Variants in MLXIPL observed in about 807,000 individuals in gnomAD.
MLXIPL encodes the protein MLX interacting protein like.
A neutral mutation model predicts 81.5 loss-of-function variants in MLXIPL; 49 were observed. The observed-to-expected ratio is 0.60, with a 90% CI of 0.48 to 0.76. The LOEUF is 0.76. MLXIPL is among the 30% of genes least tolerant of loss of function. The pLI is 0.00. For missense variants in MLXIPL, 1,053 were observed against 1,167.0 expected, an observed-to-expected ratio of 0.90 and a Z score of 1.42; for synonymous variants, 466 against 485.5, an observed-to-expected ratio of 0.96 and a Z score of 0.53.
At chr7:73,629,974 T>TATTTTTTA in the MLXIPL span, among the ~76,000 whole-genome samples, 10,452 of 143,596 alleles carry the variant, frequency 0.073, 418 homozygotes, top group Middle Eastern at 0.12. Flanking sequence ...TTTTTATTAT[T>TATTTTTTA]TTTATTTATT....
Position 73,599,583 on chromosome 7 carries a change from TG to T in MLXIPL, c.1013del (p.Pro338GlnfsTer10). The T allele has an allele frequency of 1.2e-6, 2 of 1,612,928 alleles. No homozygotes were observed. Among genetic ancestry groups the T allele is most frequent in the Non-Finnish European group, 1.7e-6 (2 of 1,179,454 alleles). On this transcript the variant is annotated frameshift_variant, in exon 8 of 17. Transcript: ENST00000313375. LOFTEE classifies it high-confidence loss of function. ...TGGCCGAGGAAGCCGGGGGCACCTC[TG>T]GGCCCAGGGTCCCACTGCTGAAGAG... is the stretch of plus-strand genomic sequence containing the variant. ...DSLFSSGTLG[P>X]EVPPASSAMT...
rs62466314 is a variant in MLXIPL, at chr7:73,623,834, G to A, written c.293+366C>T. Among the ~76,000 whole-genome samples, 6,548 of 152,134 alleles carry A rather than the reference G, an allele frequency of 0.043. 174 individuals are homozygous for A. The highest frequency in any genetic ancestry group is 0.062 in the Non-Finnish European group (4,232 of 67,966). ...TCCAGAGTGGAGAGTGGGGATGGGC[G>A]CGGGTGGCCTAGGGACCAGGGGCGC... On this transcript the variant is annotated intron_variant, in intron 1 of 16. Transcript: ENST00000313375. This position sits in a 1 kb window ranked among gnomAD's most constrained non-coding sequence, Gnocchi z 5.7.
At chr7:73,633,610 T>G in the MLXIPL span, among the ~76,000 whole-genome samples, 1 of 152,084 alleles carries the variant, frequency 6.6e-6, no homozygotes, top group Non-Finnish European at 1.5e-5. Context: ...GGAGCCACCA[T>G]GCCAGGCTAA....
At chr7:73,631,558 CTTT>C in the MLXIPL span, among the ~76,000 whole-genome samples, 10 of 69,662 alleles carry the variant, frequency 1.4e-4, no homozygotes, top group African/African-American at 2.3e-4. Flanking sequence ...GATGTTGCTA[CTTT>C]TTTTTTTTTT....
At chr7:73,629,609 C>T in the MLXIPL span, among the ~76,000 whole-genome samples, 1 of 152,136 alleles carries the variant, frequency 6.6e-6, no homozygotes, top group African/African-American at 2.4e-5. Flanking sequence ...CTTGTAGTTC[C>T]AGCTACTTGG....
At chr7:73,625,126 G>A (rs1370873826), upstream of MLXIPL, among the ~76,000 whole-genome samples, 2 of 152,204 alleles carry the variant, frequency 1.3e-5, no homozygotes, top group African/African-American at 4.8e-5. Context: ...TGAGGCTGCA[G>A]TGAGCGGAGA....
chr7:73,607,305 G>A (rs1795363580), intron 4 of MLXIPL, 26 bp downstream of exon 4: 1 of 1,547,892 alleles, frequency 6.5e-7, no homozygotes. Context: ...AAAGCTCTGG[G>A]GCCTCCCTGG....
intron 8 of MLXIPL, among the ~76,000 whole-genome samples, chr7:73,597,987 C>G (rs1794489571): frequency 6.6e-6 from 1 of 152,124 alleles, no homozygotes; most frequent in African/African-American, 2.4e-5. Context: ...ATTTGTCTCC[C>G]AAATAACTTA....
At chr7:73,630,285 CTTTTT>C in the MLXIPL span, among the ~76,000 whole-genome samples, 2 of 97,846 alleles carry the variant, frequency 2.0e-5, no homozygotes, top group South Asian at 6.9e-4. Context: ...GCCAGCTTGT[CTTTTT>C]TTTTTTTTTT....
chr7:73,593,661 A>G lies in MLXIPL; in HGVS notation c.*204T>C. 1.8e-6 allele frequency: 1 copy of G among 570,646 alleles called. No individual in the cohort carries two copies. 35.3% of individuals were successfully genotyped at this position (570,646 alleles called of 1,614,324 possible). A position where few individuals can be genotyped will look rare whatever the true frequency, so the allele number is the denominator to read the frequency against. On this transcript the variant is annotated 3_prime_UTR_variant, in exon 17 of 17. Coordinates refer to ENST00000313375, the MANE Select transcript of MLXIPL (RefSeq NM_032951.3). Reference sequence around the variant, plus strand: ...ACCCAAGGTCACGGTGCTGGAGCACAGTGGCAGAGCAGGGACGGGGACTCT... The same window carrying G: ...ACCCAAGGTCACGGTGCTGGAGCACGGTGGCAGAGCAGGGACGGGGACTCT...
intron 2 of MLXIPL, among the ~76,000 whole-genome samples, chr7:73,609,015 C>T (rs1795510470): frequency 6.6e-6 from 1 of 152,076 alleles, no homozygotes; most frequent in Non-Finnish European, 1.5e-5. Context: ...CCCTGTGTTG[C>T]CCAGGCTGGT....
At chr7:73,624,699 T>A, upstream of MLXIPL, 1 of 656,546 alleles carries the variant, frequency 1.5e-6, no homozygotes, top group Non-Finnish European at 1.9e-6. Flanking sequence ...GTTGGCCCCA[T>A]CTCCCTTCCC....
the MLXIPL span, among the ~76,000 whole-genome samples, chr7:73,637,490 A>G: frequency 6.6e-6 from 1 of 151,940 alleles, no homozygotes; most frequent in African/African-American, 2.4e-5. Flanking sequence ...AAAAAAAAAG[A>G]AAAAACAAAA....
the MLXIPL span, among the ~76,000 whole-genome samples, chr7:73,643,191 T>C: frequency 2.0e-5 from 3 of 152,202 alleles, no homozygotes; most frequent in Non-Finnish European, 2.9e-5. Flanking sequence ...AGGGTCCCTA[T>C]TGTACACAGC....
chr7:73,606,170 A>G (rs1291455051), intron 5 of MLXIPL, 59 bp from the exon 6 acceptor site: 1 of 1,512,754 alleles, frequency 6.6e-7, no homozygotes, highest in Admixed American at 2.0e-5. Context: ...GATCTTCCAT[A>G]TCACCCCTCT....
At chr7:73,602,130 G>GCCTGCCTGCCTT (rs1461829446) in intron 7 of MLXIPL, among the ~76,000 whole-genome samples, 3 of 80,552 alleles carry the variant, frequency 3.7e-5, no homozygotes, top group East Asian at 3.9e-4. Flanking sequence ...CTGCCTGCCT[G>GCCTGCCTGCCTT]CCTTCCTTCC....
the MLXIPL span, among the ~76,000 whole-genome samples, chr7:73,642,601 C>A: frequency 2.6e-5 from 4 of 152,318 alleles, no homozygotes; most frequent in Non-Finnish European, 5.9e-5. Flanking sequence ...GATGATCCAC[C>A]CGCCTCAGCT....
intron 2 of MLXIPL, among the ~76,000 whole-genome samples, chr7:73,613,968 C>T (rs886201645): frequency 6.6e-6 from 1 of 152,170 alleles, no homozygotes; most frequent in African/African-American, 2.4e-5. Context: ...GAAACCCTGT[C>T]TCCACTAAAA....
At chr7:73,607,232 G>T in intron 4 of MLXIPL, 99 bp downstream of exon 4, 1 of 1,353,892 alleles carries the variant, frequency 7.4e-7, no homozygotes, top group Non-Finnish European at 1.0e-6. Flanking sequence ...GCGCAAGCTC[G>T]GGGGTCAGGA....
Sources: allele counts gnomAD v4.1 joint callset (sites outside exome capture counted in the v4.1 genomes callset), GRCh38; gene constraint gnomAD v4.1.1; non-coding constraint Gnocchi (gnomAD v3.1); transcripts MANE v1.5; gene names NCBI Gene and HGNC (gene_info 2026-07-23, HGNC 2026-07-21).